The following RGSL1 variants were observed in gnomAD, a reference collection of about 807,000 sequenced individuals.
The protein encoded by RGSL1 is regulator of G protein signaling protein-like.
In RGSL1, 97 loss-of-function variants were observed where a neutral mutation model predicts 124.7. That is an observed-to-expected ratio of 0.78 (90% CI 0.66 to 0.92). The LOEUF (loss-of-function observed/expected upper bound fraction) is 0.92. Among genes scored for constraint, RGSL1 ranks in the 40% least tolerant of loss-of-function variants. RGSL1 has a pLI of 0.00. For synonymous variants in RGSL1, 424 were observed against 438.1 expected, an observed-to-expected ratio of 0.97 and a Z score of 0.40; for missense variants, 1,233 against 1,288.4, an observed-to-expected ratio of 0.96 and a Z score of 0.66.
chr1:182,521,818 A>G (rs1421038722), intron 9 of RGSL1, among the ~76,000 whole-genome samples, 186 bp from the exon 10 acceptor site: 1 of 152,210 alleles, frequency 6.6e-6, no homozygotes, highest in Non-Finnish European at 1.5e-5. Flanking sequence ...ACTGATGTTC[A>G]TGTCAGGGGT....
chr1:182,489,855 C>A (rs1655389614), intron 8 of RGSL1, among the ~76,000 whole-genome samples: 1 of 152,162 alleles, frequency 6.6e-6, no homozygotes. Context: ...GCTATTAGTA[C>A]AATGTTTGAC....
chr1:182,493,156 G>A (rs995804505), intron 9 of RGSL1, 27 bp downstream of exon 9: 15 of 1,422,090 alleles, frequency 1.1e-5, no homozygotes, highest in East Asian at 5.0e-5. Context: ...AGGGATAGAC[G>A]AGGCAACTAG....
chr1:182,452,199 G>C (rs538239875), intron 1 of RGSL1, among the ~76,000 whole-genome samples: 3 of 152,282 alleles, frequency 2.0e-5, no homozygotes, highest in African/African-American at 7.2e-5. Context: ...TATGCATGTA[G>C]AGCTGGCCCA....
At chr1:182,509,562 C>T (rs1330889495) in intron 9 of RGSL1, among the ~76,000 whole-genome samples, 3 of 124,174 alleles carry the variant, frequency 2.4e-5, no homozygotes, top group Non-Finnish European at 3.4e-5. Flanking sequence ...ATCTCCCTCC[C>T]GGACGGGGTG....
At chr1:182,528,378 C>G (rs1322672325) in intron 11 of RGSL1, among the ~76,000 whole-genome samples, 1 of 152,206 alleles carries the variant, frequency 6.6e-6, no homozygotes, top group African/African-American at 2.4e-5. Flanking sequence ...AAAACACAAT[C>G]ATGCCCTTCC....
intron 6 of RGSL1, among the ~76,000 whole-genome samples, chr1:182,485,133 A>C (rs1655003812): frequency 6.6e-6 from 1 of 152,054 alleles, no homozygotes; most frequent in Non-Finnish European, 1.5e-5. Context: ...TGAGGACTGT[A>C]GGTGTCTAAT....
chr1:182,542,870 T>C lies in RGSL1; in HGVS notation c.2669+2449T>C, dbSNP rs576901048. Reference sequence around the variant, plus strand: ...TTTTTCAGATTGTTCATTGTTGGTGTTTATAAATGCTTCTGATTTTCACAT... The same window carrying C: ...TTTTTCAGATTGTTCATTGTTGGTGCTTATAAATGCTTCTGATTTTCACAT... On this transcript the variant is annotated intron_variant, in intron 15 of 21. Coordinates refer to ENST00000294854, the MANE Select transcript of RGSL1 (RefSeq NM_001137669.2). 5.3e-5 allele frequency among the ~76,000 whole-genome samples: 8 copies of C among 152,246 alleles called. No individual in the cohort carries two copies. The East Asian group carries it at 1.2e-3, about 22-fold the overall frequency.
At chr1:182,530,404 T>A in intron 12 of RGSL1, 43 bp downstream of exon 12, 1 of 1,470,878 alleles carries the variant, frequency 6.8e-7, no homozygotes, top group Non-Finnish European at 9.3e-7. Context: ...CTGGAGTTGC[T>A]CCTTGGCTTC....
At chr1:182,551,001 T>C (rs1660523562) in intron 17 of RGSL1, 99 bp from the exon 18 acceptor site, 1 of 758,596 alleles carries the variant, frequency 1.3e-6, no homozygotes, top group African/African-American at 1.7e-5. Flanking sequence ...ACACCCACAT[T>C]CTCTGAGGAC....
At chr1:182,515,718 A>G (rs1657836565) in intron 9 of RGSL1, among the ~76,000 whole-genome samples, 1 of 152,206 alleles carries the variant, frequency 6.6e-6, no homozygotes, top group Admixed American at 6.5e-5. Flanking sequence ...CCAGCTGGCT[A>G]CGCAGGGTGC....
chr1:182,477,098 A>G (rs556575233), intron 6 of RGSL1, among the ~76,000 whole-genome samples: 6 of 152,316 alleles, frequency 3.9e-5, no homozygotes, highest in Non-Finnish European at 2.9e-5. Context: ...CTATCCACAG[A>G]AAAAAGTGCC....
intron 6 of RGSL1, among the ~76,000 whole-genome samples, chr1:182,481,787 C>A (rs1416627175): frequency 6.6e-6 from 1 of 152,096 alleles, no homozygotes; most frequent in African/African-American, 2.4e-5. Flanking sequence ...CAAGACCAGC[C>A]TAGGCAACAT....
At chr1:182,525,751 T>C (rs966982455) in intron 10 of RGSL1, among the ~76,000 whole-genome samples, 1 of 152,102 alleles carries the variant, frequency 6.6e-6, no homozygotes, top group African/African-American at 2.4e-5. Context: ...ATAATAACTA[T>C]TAGTGTGTAG....
intron 9 of RGSL1, among the ~76,000 whole-genome samples, 172 bp downstream of exon 9, chr1:182,493,301 C>T (rs1341832968): frequency 6.6e-6 from 1 of 152,050 alleles, no homozygotes; most frequent in Admixed American, 6.6e-5. Context: ...CCTACGAAAC[C>T]ACAGAAGAGC....
chr1:182,522,536 T>G (rs1658425669), intron 10 of RGSL1, among the ~76,000 whole-genome samples: 1 of 152,192 alleles, frequency 6.6e-6, no homozygotes, highest in African/African-American at 2.4e-5. Context: ...GGTTCCTTAC[T>G]TCTTGTCTCT....
intron 9 of RGSL1, among the ~76,000 whole-genome samples, chr1:182,503,974 C>CTTTTTTTTTTTTTTTTTT (rs71124902): frequency 8.5e-6 from 1 of 118,240 alleles, no homozygotes; most frequent in African/African-American, 3.2e-5. Context: ...TTTGTAATTT[C>CTTTTTTTTTTTTTTTTTT]TTTTTTTTTT....
chr1:182,556,354 A>C, intron 21 of RGSL1, 132 bp downstream of exon 21: 1 of 349,764 alleles, frequency 2.9e-6, no homozygotes, highest in Non-Finnish European at 5.2e-6. Context: ...TTGTTAAAGA[A>C]TCCCATGACA....
At chr1:182,509,725 C>G (rs1475759706) in intron 9 of RGSL1, among the ~76,000 whole-genome samples, 5 of 141,602 alleles carry the variant, frequency 3.5e-5, no homozygotes, top group African/African-American at 1.3e-4. Context: ...GGCTGACCCC[C>G]CCACCTCCCT....
intron 9 of RGSL1, among the ~76,000 whole-genome samples, chr1:182,508,900 G>GCTGC (rs1458165950): frequency 1.2e-5 from 1 of 84,978 alleles, no homozygotes; most frequent in African/African-American, 4.7e-5. Flanking sequence ...TAACGAGCAT[G>GCTGC]CTGCCTTCAA....
Sources: allele counts gnomAD v4.1 joint callset (sites outside exome capture counted in the v4.1 genomes callset), GRCh38; gene constraint gnomAD v4.1.1; transcripts MANE v1.5; gene names NCBI Gene and HGNC (gene_info 2026-07-23, HGNC 2026-07-21).